Variants in CCDC175 observed in about 807,000 individuals in gnomAD.
CCDC175 encodes coiled-coil domain-containing protein 175.
CCDC175 carries 100 observed loss-of-function variants against 114.6 expected under a neutral mutation model. The observed-to-expected ratio is 0.87, with a 90% CI of 0.74 to 1.03. CCDC175 has a LOEUF of 1.03. Among genes scored for constraint, CCDC175 ranks in the 50% least tolerant of loss-of-function variants. The pLI, the probability that CCDC175 is intolerant of heterozygous loss-of-function variation, is 0.00. For missense variants in CCDC175, 880 were observed against 917.8 expected (o/e 0.96, Z 0.53); for synonymous variants, 306 against 308.7 (o/e 0.99, Z 0.09).
rs1894054644 is a variant in CCDC175, at chr14:59,531,270, C to CT, written c.1762+501dup. Among the ~76,000 whole-genome samples, 3 of 151,990 alleles carry CT rather than the reference C, an allele frequency of 2.0e-5. 1 individual carries two copies. In the South Asian group the frequency reaches 6.2e-4, roughly 31 times the overall value. On this transcript the variant is annotated intron_variant, in intron 14 of 19. Coordinates refer to ENST00000537690, the MANE Select transcript of CCDC175 (RefSeq NM_001164399.2). ...TGTAATATAATTTAAAATATGCATA[C>CT]TTTCGGACATATTTCACGTCCTCTA...
chr14:59,576,721 C>G lies in CCDC175; in HGVS notation c.55G>C (p.Ala19Pro). The part of the protein sequence containing the change: ...GLGAGEKLVQ[A>P]AAVSTGPSLE... The stretch of plus-strand genomic sequence containing the variant: ...GAGGGGCCAGTGGAGACGGCAGCCG[C>G]CTGCACCAGCTTCTCGCCAGCGCCC... The change falls in exon 1 of 20, where the codon GCG becomes CCG. Residue 19 changes from alanine to proline, a missense_variant. Ala to Pro is a conservative substitution (Grantham distance 27). Transcript: ENST00000537690. 6.8e-7 allele frequency: 1 copy of G among 1,477,078 alleles called. No homozygotes were observed. The highest frequency in any genetic ancestry group is 8.9e-7 in the Non-Finnish European group (1 of 1,122,516). The allele number at this position is 1,477,078 out of a possible 1,614,324, so 91.5% of individuals were successfully genotyped here.
chr14:59,514,690 T>C (rs1005685584), intron 17 of CCDC175, among the ~76,000 whole-genome samples: 17 of 152,192 alleles, frequency 1.1e-4, no homozygotes, highest in African/African-American at 3.1e-4. Flanking sequence ...CTACGTCTGA[T>C]TGGTGTACCT....
chr14:59,559,501 G>C (rs1896111003), intron 7 of CCDC175, among the ~76,000 whole-genome samples: 1 of 152,134 alleles, frequency 6.6e-6, no homozygotes, highest in Non-Finnish European at 1.5e-5. Flanking sequence ...GCAATTTAAA[G>C]ATTTAATGAA....
intron 12 of CCDC175, 98 bp from the exon 13 acceptor site, chr14:59,538,252 G>A: frequency 1.0e-6 from 1 of 1,003,788 alleles, no homozygotes; most frequent in Non-Finnish European, 1.4e-6. Context: ...CAGGAGGCCT[G>A]CTTCTGATTT....
intron 7 of CCDC175, among the ~76,000 whole-genome samples, chr14:59,554,501 C>T (rs1378651809): frequency 6.6e-6 from 1 of 152,126 alleles, no homozygotes; most frequent in African/African-American, 2.4e-5. Context: ...TAAATGCCCA[C>T]AAGAGAAAGC....
chr14:59,507,080 A>G (rs1892465012), intron 19 of CCDC175, among the ~76,000 whole-genome samples: 1 of 152,242 alleles, frequency 6.6e-6, no homozygotes, highest in Admixed American at 6.5e-5. Flanking sequence ...TTTACAAGAA[A>G]TAAAATTAAG....
intron 13 of CCDC175, among the ~76,000 whole-genome samples, chr14:59,532,494 G>C (rs551708804): frequency 6.6e-6 from 1 of 152,200 alleles, no homozygotes; most frequent in African/African-American, 2.4e-5. Context: ...ACCACCAGCT[G>C]ACATTTAATG....
chr14:59,512,983 C>T (rs907327368), intron 17 of CCDC175, among the ~76,000 whole-genome samples: 2 of 152,110 alleles, frequency 1.3e-5, no homozygotes, highest in Non-Finnish European at 2.9e-5. Flanking sequence ...GTAATTAAGA[C>T]AGTGTGATAT....
chr14:59,510,433 T>C (rs992765121), intron 19 of CCDC175: 2 of 470,108 alleles, frequency 4.3e-6, no homozygotes, highest in South Asian at 6.5e-5. Flanking sequence ...GATTTAGTTA[T>C]CTAGAAAATT....
At chr14:59,552,751 CA>C (rs1895607407) in intron 7 of CCDC175, among the ~76,000 whole-genome samples, 2 of 152,140 alleles carry the variant, frequency 1.3e-5, no homozygotes, top group Non-Finnish European at 2.9e-5. Flanking sequence ...CTAGAATAAC[CA>C]GTGTAGAAAA....
intron 8 of CCDC175, among the ~76,000 whole-genome samples, chr14:59,546,029 T>C (rs1895086450): frequency 6.6e-6 from 1 of 152,214 alleles, no homozygotes. Flanking sequence ...TGTTTATTGC[T>C]GCACTATTCA....
chr14:59,543,264 C>A (rs1894897270), intron 10 of CCDC175, 80 bp downstream of exon 10: 1 of 529,108 alleles, frequency 1.9e-6, no homozygotes. Context: ...TAGAAATCAA[C>A]ATAGATTTAC....
At chr14:59,550,367 C>T (rs866768898) in intron 8 of CCDC175, among the ~76,000 whole-genome samples, 1 of 152,012 alleles carries the variant, frequency 6.6e-6, no homozygotes, top group Non-Finnish European at 1.5e-5. Context: ...TATTTTGAGG[C>T]TAAATCTTGG....
intron 15 of CCDC175, among the ~76,000 whole-genome samples, 163 bp downstream of exon 15, chr14:59,526,932 A>T (rs1249018912): frequency 6.6e-6 from 1 of 152,208 alleles, no homozygotes; most frequent in Non-Finnish European, 1.5e-5. Flanking sequence ...ATACATGTGC[A>T]TATATATGTG....
intron 7 of CCDC175, among the ~76,000 whole-genome samples, chr14:59,557,217 G>A (rs1428973342): frequency 1.8e-4 from 28 of 152,070 alleles, no homozygotes; most frequent in Admixed American, 5.9e-4. Context: ...GAACCAACCC[G>A]GATGTCCATC....
intron 7 of CCDC175, among the ~76,000 whole-genome samples, chr14:59,553,184 G>A (rs1171466347): frequency 6.6e-5 from 10 of 152,154 alleles, no homozygotes; most frequent in Admixed American, 5.9e-4. Context: ...AAGTTGAAAT[G>A]AAGGAAAAAA....
intron 2 of CCDC175, among the ~76,000 whole-genome samples, chr14:59,574,477 C>T (rs993057307): frequency 1.3e-5 from 2 of 152,130 alleles, no homozygotes; most frequent in African/African-American, 2.4e-5. Flanking sequence ...CTAACAGTAC[C>T]GTCTACTTCA....
chr14:59,511,994 G>C (rs1892783476), intron 17 of CCDC175, among the ~76,000 whole-genome samples, 191 bp from the exon 18 acceptor site: 1 of 152,088 alleles, frequency 6.6e-6, no homozygotes, highest in African/African-American at 2.4e-5. Flanking sequence ...CAAAACATAT[G>C]AAAGAAATGT....
intron 7 of CCDC175, among the ~76,000 whole-genome samples, chr14:59,555,027 T>A (rs1039616913): frequency 6.6e-5 from 10 of 152,198 alleles, no homozygotes; most frequent in Admixed American, 1.3e-4. Context: ...AGCAGAATTC[T>A]ACCAGAGGTA....
Sources: gnomAD v4.1 joint callset for allele counts (sites outside exome capture counted in the v4.1 genomes callset) on GRCh38, gnomAD v4.1.1 for gene constraint, MANE v1.5 for transcripts, NCBI Gene and HGNC (gene_info 2026-07-23, HGNC 2026-07-21) for gene names.